VPS37A: variants seen among roughly 807,000 people sequenced by gnomAD.
The protein encoded by VPS37A is VPS37A subunit of ESCRT-I, also known as vacuolar protein sorting-associated protein 37A.
A neutral mutation model predicts 49.8 loss-of-function variants in VPS37A; 30 were observed. The ratio of observed to expected loss-of-function variants is 0.60; its 90% CI spans 0.45 to 0.82. The LOEUF is 0.82. Among genes scored for constraint, VPS37A ranks in the 40% least tolerant of loss-of-function variants. The pLI is 0.00. For synonymous variants in VPS37A, 195 were observed against 160.6 expected (o/e 1.21, Z -1.62); for missense variants, 593 against 464.4 (o/e 1.28, Z -2.55).
chr8:17,307,272 G>C (rs1158806677), downstream of VPS37A, among the ~76,000 whole-genome samples: 1 of 152,048 alleles, frequency 6.6e-6, no homozygotes, highest in African/African-American at 2.4e-5. Flanking sequence ...GCAGCCAAAA[G>C]ACACATGAAA....
At chr8:17,266,101 AAT>A (rs1813421954) in intron 2 of VPS37A, 120 bp downstream of exon 2, 4 of 805,106 alleles carry the variant, frequency 5.0e-6, no homozygotes, top group Non-Finnish European at 7.8e-6. Flanking sequence ...TAATTTATAA[AAT>A]AGTGCACAAT....
intron 11 of VPS37A, among the ~76,000 whole-genome samples, chr8:17,293,959 T>G (rs922165805): frequency 2.0e-5 from 3 of 152,206 alleles, no homozygotes; most frequent in African/African-American, 7.2e-5. Flanking sequence ...GCAGTCTGTC[T>G]CTTAGCAGAG....
chr8:17,331,252 T>G, the VPS37A span: 2 of 1,610,798 alleles, frequency 1.2e-6, no homozygotes, highest in South Asian at 2.2e-5. Context: ...TCATAGCCTT[T>G]CCCTGCAGCA....
At chr8:17,320,881 C>T in the VPS37A span, among the ~76,000 whole-genome samples, 1 of 152,208 alleles carries the variant, frequency 6.6e-6, no homozygotes, top group Non-Finnish European at 1.5e-5. Flanking sequence ...TCTGTCCAAC[C>T]CCAGGCCATG....
At chr8:17,274,061 A>G (rs367597654) in intron 4 of VPS37A, among the ~76,000 whole-genome samples, 18 of 152,316 alleles carry the variant, frequency 1.2e-4, no homozygotes, top group Middle Eastern at 6.8e-3. Context: ...TTAGAGTAAT[A>G]TAATGATCTG....
At position 17,247,204 on chromosome 8, in the gene VPS37A, C is replaced by G; in HGVS notation, c.-41C>G. 6.4e-7 allele frequency: 1 copy of G among 1,557,982 alleles called. No homozygotes were observed. The highest frequency in any genetic ancestry group is 8.7e-7 in the Non-Finnish European group (1 of 1,150,984). ...GGGCCGAGCCACTGGGAGAAGCAGG[C>G]CAGAGCCTTCCAGGGCCTCCGGCCC... On this transcript the variant is annotated 5_prime_UTR_variant, in exon 1 of 12. Coordinates refer to ENST00000324849, the MANE Select transcript of VPS37A (RefSeq NM_152415.3).
At chr8:17,280,187 C>T (rs1814909581) in intron 7 of VPS37A, 32 bp downstream of exon 7, 2 of 1,609,346 alleles carry the variant, frequency 1.2e-6, no homozygotes, top group East Asian at 4.5e-5. Context: ...CGCACATTTC[C>T]TGAAAAAAAT....
At chr8:17,290,029 T>C (rs1005360201) in intron 11 of VPS37A, among the ~76,000 whole-genome samples, 2 of 152,230 alleles carry the variant, frequency 1.3e-5, no homozygotes, top group East Asian at 3.9e-4. Flanking sequence ...GGAATGCTTG[T>C]GATTTTTGCA....
At chr8:17,321,390 T>A in the VPS37A span, among the ~76,000 whole-genome samples, 1 of 152,240 alleles carries the variant, frequency 6.6e-6, no homozygotes, top group African/African-American at 2.4e-5. Flanking sequence ...AGGCTTCTTG[T>A]TCAACATTTC....
intron 6 of VPS37A, among the ~76,000 whole-genome samples, chr8:17,279,279 T>C (rs569133013): frequency 1.8e-4 from 28 of 152,146 alleles, no homozygotes; most frequent in African/African-American, 6.3e-4. Context: ...GGCCAACACA[T>C]CCTTGGAATC....
chr8:17,333,392 A>G, the VPS37A span, among the ~76,000 whole-genome samples: 1 of 152,234 alleles, frequency 6.6e-6, no homozygotes, highest in Non-Finnish European at 1.5e-5. Context: ...ATTATTTTTC[A>G]AAGATGTTGG....
chr8:17,273,183 G>C (rs997757016), intron 4 of VPS37A, among the ~76,000 whole-genome samples: 1 of 151,672 alleles, frequency 6.6e-6, no homozygotes, highest in African/African-American at 2.4e-5. Context: ...AAGCCTGACA[G>C]ATATTTTCAT....
intron 4 of VPS37A, among the ~76,000 whole-genome samples, chr8:17,270,031 G>A (rs573867915): frequency 1.4e-4 from 21 of 152,242 alleles, no homozygotes; most frequent in Admixed American, 1.1e-3. Context: ...CATGATGAGA[G>A]CAAGAGTGAG....
the VPS37A span, among the ~76,000 whole-genome samples, chr8:17,312,446 G>A: frequency 4.2e-3 from 639 of 152,030 alleles, 2 homozygotes; most frequent in African/African-American, 0.015. Context: ...ATAGTGGCGC[G>A]TGCCAGTAAT....
the VPS37A span, among the ~76,000 whole-genome samples, chr8:17,329,309 G>C: frequency 6.6e-5 from 10 of 152,184 alleles, no homozygotes; most frequent in Non-Finnish European, 1.2e-4. Flanking sequence ...AAAACAGATA[G>C]TCAAACATTG....
At position 17,283,627 on chromosome 8, in the gene VPS37A, A is replaced by T. The variant is rs568090841; in HGVS notation, c.970-846A>T. 4.6e-5 allele frequency among the ~76,000 whole-genome samples: 7 copies of T among 152,238 alleles called. No individual in the cohort carries two copies. The East Asian group carries it at 1.2e-3, about 25-fold the overall frequency. On this transcript the variant is annotated intron_variant, in intron 9 of 11. Coordinates refer to ENST00000324849, the MANE Select transcript of VPS37A (RefSeq NM_152415.3). ...AAAGATTCCTTTCCCCATTAACTGG[A>T]CTGGGCTCCCTGGTTGAAAATCATT... is the stretch of plus-strand genomic sequence containing the variant.
At chr8:17,268,031 A>G (rs190026849) in intron 2 of VPS37A, among the ~76,000 whole-genome samples, 185 of 152,312 alleles carry the variant, frequency 1.2e-3, no homozygotes, top group African/African-American at 4.3e-3. Flanking sequence ...ATTCATGTCC[A>G]TATTTCACAT....
At chr8:17,302,670 G>T (rs183740142), downstream of VPS37A, among the ~76,000 whole-genome samples, 2 of 115,628 alleles carry the variant, frequency 1.7e-5, no homozygotes, top group South Asian at 3.0e-4. Context: ...TTTGTATCAC[G>T]ACCACTAAAA....
intron 1 of VPS37A, among the ~76,000 whole-genome samples, chr8:17,262,773 A>T (rs975964789): frequency 2.6e-5 from 4 of 152,160 alleles, no homozygotes; most frequent in Admixed American, 1.3e-4. Flanking sequence ...ATTAAAAATT[A>T]TATTGTAGGC....
Sources: allele counts gnomAD v4.1 joint callset (sites outside exome capture counted in the v4.1 genomes callset), GRCh38; gene constraint gnomAD v4.1.1; transcripts MANE v1.5; gene names NCBI Gene and HGNC (gene_info 2026-07-23, HGNC 2026-07-21).